TRIM65: variants seen among roughly 807,000 people sequenced by gnomAD.
TRIM65 encodes the protein tripartite motif containing 65.
In TRIM65, 46 loss-of-function variants were observed where a neutral mutation model predicts 36.1. That is an observed-to-expected ratio of 1.27 (90% CI 1.01 to 1.63). TRIM65 has a LOEUF of 1.63. Ranked by LOEUF, TRIM65 falls within the 40% of genes most tolerant of loss-of-function variation. The pLI is 0.00. For missense variants in TRIM65, 708 were observed against 696.6 expected (o/e 1.02, Z -0.18); for synonymous variants, 346 against 313.6 (o/e 1.10, Z -1.09).
At chr17:75,879,564 A>ATGAG (rs1338338819), downstream of TRIM65, 2 of 150,714 alleles carry the variant, frequency 1.3e-5, no homozygotes, top group Non-Finnish European at 2.9e-5. Context: ...GTTTTATTGT[A>ATGAG]TGAGTTATAT....
chr17:75,889,369 T>C lies in TRIM65; in HGVS notation c.*1410A>G, dbSNP rs909000095. 1 of 152,172 alleles carries C rather than the reference T, an allele frequency of 6.6e-6. No homozygotes were observed. The highest frequency in any genetic ancestry group is 1.5e-5 in the Non-Finnish European group (1 of 68,038). The allele number at this position is 152,172 out of a possible 1,614,324, so 9.4% of individuals were successfully genotyped here. On this transcript the variant is annotated 3_prime_UTR_variant, in exon 6 of 6. Transcript: ENST00000269383. ...GCGCCTGGCCAAAAGCAGACACCCT[T>C]GGAACCACCTCCCAGAACAAGAAGT...
In TRIM65 at chr17:75,892,608, C is replaced by T. The variant is rs2065288344; in HGVS notation, c.511-108G>A. The T allele has an allele frequency of 3.2e-6, 4 of 1,254,994 alleles. No individual in the cohort carries two copies. The African/African-American group carries it at 5.9e-5, about 19-fold the overall frequency. The allele number at this position is 1,254,994 out of a possible 1,614,324, so 77.7% of individuals were successfully genotyped here. A position where few individuals can be genotyped will look rare whatever the true frequency, so the allele number is the denominator to read the frequency against. ...GCTGAGGGTCAGGGATGTGGGGAGG[C>T]AGGGTCCCGGGAACCTCCCCAGGAC... On this transcript the variant is annotated intron_variant, in intron 2 of 5. Transcript: ENST00000269383.
At position 75,892,278 on chromosome 17, in the gene TRIM65, T is replaced by C; in HGVS notation, c.733A>G (p.Thr245Ala). ...RELLEQVDEQTFLQESQLLQP... is the reference protein window; with the variant it reads ...RELLEQVDEQAFLQESQLLQP... Reference sequence around the variant, plus strand: ...CTGAGCCCTCGCACCTGCAGGAAGGTCTGCTCATCCACCTGCTCCAGGAGC... The same window carrying C: ...CTGAGCCCTCGCACCTGCAGGAAGGCCTGCTCATCCACCTGCTCCAGGAGC... Residue 245 changes from threonine (T) to alanine (A), a missense_variant, in exon 3 of 6, where the codon ACC (threonine) becomes GCC (alanine). Thr to Ala is a moderately conservative substitution (Grantham distance 58, BLOSUM62 0). Coordinates refer to ENST00000269383, the MANE Select transcript of TRIM65 (RefSeq NM_173547.4). The C allele has an allele frequency of 1.2e-6, 2 of 1,611,808 alleles. No homozygotes were observed. The highest frequency in any genetic ancestry group is 1.7e-6 in the Non-Finnish European group (2 of 1,179,276).
At chr17:75,881,220 A>G (rs1159880877) in intron 4 of TRIM65, among the ~76,000 whole-genome samples, 2 of 133,176 alleles carry the variant, frequency 1.5e-5, no homozygotes, top group Non-Finnish European at 3.1e-5. Context: ...TCGGTGACAC[A>G]GCGAGACTCC....
At chr17:75,892,941 C>G (rs1346711288) in intron 1 of TRIM65, 91 bp from the exon 2 acceptor site, 16 of 1,112,696 alleles carry the variant, frequency 1.4e-5, no homozygotes, top group Non-Finnish European at 2.0e-5. Context: ...CCTGCAGACA[C>G]CAGGCAGCCC....
In TRIM65 at chr17:75,892,373, G is replaced by A. The variant is rs1259010054; in HGVS notation, c.638C>T (p.Ala213Val). 6.2e-7 allele frequency: 1 copy of A among 1,613,688 alleles called. No homozygotes were observed. The highest frequency in any genetic ancestry group is 8.5e-7 in the Non-Finnish European group (1 of 1,179,982). The change falls in exon 3 of 6, where the codon GCT becomes GTT. Residue 213 changes from alanine (A) to valine (V), a missense_variant. Coordinates refer to ENST00000269383, the MANE Select transcript of TRIM65 (RefSeq NM_173547.4). ...EVAKTQALAQ[A>V]RDEEQRLRVH... ...CCGCAGCCGCTGCTCCTCGTCTCGA[G>A]CCTGTGCCAGCGCCTGCGTCTTGGC...
At chr17:75,891,626 G>A (rs1438549999) in intron 5 of TRIM65, among the ~76,000 whole-genome samples, 187 bp downstream of exon 5, 1 of 152,170 alleles carries the variant, frequency 6.6e-6, no homozygotes, top group Non-Finnish European at 1.5e-5. Flanking sequence ...CTGCTTCAGG[G>A]TGGATGTGCA....
rs147139559 is a variant in TRIM65 at position 75,891,022 on chromosome 17, G to A, written c.1311C>T (p.Asn437=). 4.4e-4 allele frequency: 714 copies of A among 1,608,586 alleles called. 5 individuals are homozygous for A. In the East Asian group the frequency reaches 0.015, roughly 33 times the overall value. ...CCCCTGGGAGGCGCTGGGCTTCCCC[G>A]TTGTGCCAGGCCTGGAGGCTGTCCT... ...VQEDSLQAWH[N]GEAQRLPGVS... Residue 437 remains asparagine, a synonymous_variant, in exon 6 of 6, where the codon AAC becomes AAT. Coordinates refer to ENST00000269383, the MANE Select transcript of TRIM65 (RefSeq NM_173547.4).
At position 75,889,183 on chromosome 17, in the gene TRIM65, G is replaced by A. The variant is rs1284848542; in HGVS notation, c.*1596C>T. On this transcript the variant is annotated 3_prime_UTR_variant, in exon 6 of 6. Coordinates refer to ENST00000269383, the MANE Select transcript of TRIM65 (RefSeq NM_173547.4). ...CGATTCTTCTGCCTCAGCCTCCCCA[G>A]TAGCTGGGATTACAGGCGCACACCA... The A allele has an allele frequency of 2.0e-5, 3 of 150,576 alleles. No individual in the cohort carries two copies. Among genetic ancestry groups the A allele is most frequent in the Admixed American group, 6.6e-5 (1 of 15,168 alleles). The allele number at this position is 150,576 out of a possible 1,614,324, so 9.3% of individuals were successfully genotyped here.
intron 5 of TRIM65, 43 bp from the exon 6 acceptor site, chr17:75,891,390 C>A (rs1443691925): frequency 6.3e-7 from 1 of 1,595,504 alleles, no homozygotes; most frequent in South Asian, 1.1e-5. Context: ...GGGAAGACAG[C>A]ACAACCAGAT....
Position 75,890,837 on chromosome 17 carries a change from A to G in TRIM65, c.1496T>C (p.Leu499Pro). 6.6e-7 allele frequency: 1 copy of G among 1,516,452 alleles called. No homozygotes were observed. Among genetic ancestry groups the G allele is most frequent in the Non-Finnish European group, 8.8e-7 (1 of 1,134,404 alleles). 93.9% of individuals were successfully genotyped at this position (1,516,452 alleles called of 1,614,324 possible). A position where few individuals can be genotyped will look rare whatever the true frequency, so the allele number is the denominator to read the frequency against. Reference protein sequence around the residue: ...FWLLEGRTLTLCHQPGAVFPL... With the variant: ...FWLLEGRTLTPCHQPGAVFPL... ...GAACACAGCCCCTGGCTGATGGCAC[A>G]GGGTCAGGGTCCTACCCTCGAGGAG... is the stretch of plus-strand genomic sequence containing the variant. Residue 499 changes from leucine (L) to proline (P), a missense_variant, in exon 6 of 6, where the codon CTG (leucine) becomes CCG (proline). Physicochemically the swap from Leu to Pro is moderately conservative, Grantham distance 98. Coordinates refer to ENST00000269383, the MANE Select transcript of TRIM65 (RefSeq NM_173547.4).
rs1321218387 is a variant in TRIM65, at chr17:75,890,954, C to G, written c.1379G>C (p.Gly460Ala). 1 of 1,559,004 alleles carries G rather than the reference C, an allele frequency of 6.4e-7. No individual in the cohort carries two copies. Among genetic ancestry groups the G allele is most frequent in the South Asian group, 1.2e-5 (1 of 85,306 alleles). Residue 460 changes from glycine (G) to alanine (A), a missense_variant, in exon 6 of 6, where the codon GGC (glycine) becomes GCC (alanine). By Grantham distance (60) the Gly-to-Ala change is moderately conservative. Coordinates refer to ENST00000269383, the MANE Select transcript of TRIM65 (RefSeq NM_173547.4). ...LLGMDLDLAS[G>A]CLTFYSLEPQ... ...CTCCAGGCTGTAGAAGGTGAGGCAG[C>G]CTGAGGCCAGGTCCAAATCCATGCC... is the stretch of plus-strand genomic sequence containing the variant.
chr17:75,892,953 TC>T, intron 1 of TRIM65, 103 bp from the exon 2 acceptor site: 1 of 982,674 alleles, frequency 1.0e-6, no homozygotes, highest in Non-Finnish European at 1.5e-6. Context: ...AGGCAGCCCC[TC>T]CCCACGCCAC....
At chr17:75,892,571 G>T in intron 2 of TRIM65, 71 bp from the exon 3 acceptor site, 1 of 1,435,830 alleles carries the variant, frequency 7.0e-7, no homozygotes, top group Non-Finnish European at 9.6e-7. Flanking sequence ...TAGGGCCAGG[G>T]CTGCCTGCTG....
chr17:75,885,261 C>T (rs1252084261), downstream of TRIM65, among the ~76,000 whole-genome samples: 2 of 152,020 alleles, frequency 1.3e-5, no homozygotes, highest in Admixed American at 1.3e-4. Flanking sequence ...CATTGCTAAG[C>T]CTTGTGTAAC....
rs1342434649 is a variant in TRIM65 at position 75,896,892 on chromosome 17, G to A, written c.46C>T (p.Leu16=). 3.9e-6 allele frequency: 6 copies of A among 1,522,374 alleles called. No homozygotes were observed. The highest frequency in any genetic ancestry group is 1.7e-4 in the Middle Eastern group (1 of 5,836). 94.3% of individuals were successfully genotyped at this position (1,522,374 alleles called of 1,614,324 possible). A position where few individuals can be genotyped will look rare whatever the true frequency, so the allele number is the denominator to read the frequency against. ...GTCACTGGGTCCTGGTAGAGCCCCA[G>A]GCAGATGGCGCAGGTCAGCTTCTCC... ...LEEKLTCAIC[L]GLYQDPVTLP... Residue 16 remains leucine, a synonymous_variant, in exon 1 of 6, where the codon CTG becomes TTG. Coordinates refer to ENST00000269383, the MANE Select transcript of TRIM65 (RefSeq NM_173547.4).
At chr17:75,892,646 C>T in intron 2 of TRIM65, 109 bp downstream of exon 2, 1 of 1,262,470 alleles carries the variant, frequency 7.9e-7, no homozygotes, top group Non-Finnish European at 1.1e-6. Context: ...CTGTGCCCAG[C>T]TCCCTGCTCA....
intron 1 of TRIM65, among the ~76,000 whole-genome samples, chr17:75,895,671 G>A (rs1471983416): frequency 6.6e-6 from 1 of 152,130 alleles, no homozygotes; most frequent in Non-Finnish European, 1.5e-5. Context: ...TCCTCCTCCT[G>A]GCCCGTTTAG....
chr17:75,891,938 C>A, intron 4 of TRIM65, 60 bp from the exon 5 acceptor site: 1 of 1,563,346 alleles, frequency 6.4e-7, no homozygotes, highest in Non-Finnish European at 8.7e-7. Context: ...TGGGCCCTGA[C>A]CCGCCTCCAC....
Sources: gnomAD v4.1 joint callset for allele counts (sites outside exome capture counted in the v4.1 genomes callset) on GRCh38, gnomAD v4.1.1 for gene constraint, MANE v1.5 for transcripts, NCBI Gene and HGNC (gene_info 2026-07-23, HGNC 2026-07-21) for gene names.